Variants in ACSL5 observed in about 807,000 individuals in gnomAD.
ACSL5 encodes acyl-CoA synthetase long chain family member 5, also known as long-chain-fatty-acid--CoA ligase 5.
In ACSL5, 50 loss-of-function variants were observed where a neutral mutation model predicts 84.9. That is an observed-to-expected ratio of 0.59 (90% confidence interval 0.47 to 0.75). The LOEUF (loss-of-function observed/expected upper bound fraction) is 0.75, where lower values mean the gene tolerates loss of function less well. Among genes scored for constraint, ACSL5 ranks in the 30% least tolerant of loss-of-function variants. The pLI is 0.00. For missense variants in ACSL5, 775 were observed against 830.4 expected, an observed-to-expected ratio of 0.93 and a Z score of 0.82; for synonymous variants, 280 against 300.7, an observed-to-expected ratio of 0.93 and a Z score of 0.71.
chr10:112,397,424 C>T (rs548731540), intron 2 of ACSL5, among the ~76,000 whole-genome samples: 3 of 152,192 alleles, frequency 2.0e-5, no homozygotes, highest in African/African-American at 7.2e-5. Context: ...CCTGCCTTGG[C>T]CTCTCAAAGT....
intron 17 of ACSL5, among the ~76,000 whole-genome samples, chr10:112,423,754 T>C (rs2133674843): frequency 6.6e-6 from 1 of 152,228 alleles, no homozygotes; most frequent in South Asian, 2.1e-4. Context: ...AAAAATTAGG[T>C]GACTTCTCTA....
intron 1 of ACSL5, chr10:112,376,252 T>C (rs1849235531): frequency 6.2e-7 from 1 of 1,604,222 alleles, no homozygotes; most frequent in Non-Finnish European, 8.5e-7. Flanking sequence ...ATGGCCTGAC[T>C]CGGGACAGCT....
chr10:112,423,471 G>A (rs770813365), intron 17 of ACSL5, among the ~76,000 whole-genome samples: 2 of 151,264 alleles, frequency 1.3e-5, no homozygotes, highest in Non-Finnish European at 2.9e-5. Flanking sequence ...TTCTGGGATT[G>A]CTGGTATAAG....
At chr10:112,413,793 G>A (rs949281012) in intron 12 of ACSL5, among the ~76,000 whole-genome samples, 3 of 152,114 alleles carry the variant, frequency 2.0e-5, no homozygotes, top group African/African-American at 7.2e-5. Context: ...CCTTGGATAA[G>A]ATGACTTGGA....
chr10:112,418,017 A>G, intron 14 of ACSL5, 76 bp downstream of exon 14: 6 of 1,196,734 alleles, frequency 5.0e-6, no homozygotes, highest in Non-Finnish European at 7.0e-6. Context: ...ATAAAAATGA[A>G]AACAACTAAA....
chr10:112,391,885 G>A (rs375490048), intron 1 of ACSL5, among the ~76,000 whole-genome samples: 4 of 152,076 alleles, frequency 2.6e-5, no homozygotes, highest in African/African-American at 4.8e-5. Context: ...CCCTTGAGAC[G>A]CCATAGATTC....
At chr10:112,419,690 A>G (rs921661113) in intron 14 of ACSL5, 1 of 152,210 alleles carries the variant, frequency 6.6e-6, no homozygotes, top group Non-Finnish European at 1.5e-5. Context: ...AACTTTTGTC[A>G]TGTTGGAAAC....
chr10:112,420,675 A>G (rs917703914), intron 14 of ACSL5, among the ~76,000 whole-genome samples: 3 of 151,948 alleles, frequency 2.0e-5, no homozygotes, highest in Non-Finnish European at 4.4e-5. Context: ...AATAACTTAC[A>G]TGTTCCCACC....
At chr10:112,417,796 T>G (rs373095472) in intron 13 of ACSL5, 50 bp from the exon 14 acceptor site, 1 of 1,512,950 alleles carries the variant, frequency 6.6e-7, no homozygotes, top group Non-Finnish European at 9.2e-7. Flanking sequence ...GTGGAGGAAA[T>G]TGAAGCCAAG....
At chr10:112,387,113 G>A (rs1478831259) in intron 1 of ACSL5, among the ~76,000 whole-genome samples, 4 of 152,166 alleles carry the variant, frequency 2.6e-5, no homozygotes, top group Admixed American at 2.6e-4. Flanking sequence ...GGGTAGCTGA[G>A]AATAGCTTCC....
chr10:112,421,861 G>C, intron 15 of ACSL5, 86 bp from the exon 16 acceptor site: 1 of 1,444,334 alleles, frequency 6.9e-7, no homozygotes, highest in Non-Finnish European at 9.7e-7. Flanking sequence ...TCCTCTTCTA[G>C]AGTCAATTCA....
At chr10:112,411,835 T>C in intron 10 of ACSL5, 67 bp from the exon 11 acceptor site, 1 of 1,450,888 alleles carries the variant, frequency 6.9e-7, no homozygotes, top group Admixed American at 1.7e-5. Context: ...AGTTTTAAAA[T>C]CTCCATTGGA....
At chr10:112,408,339 C>T (rs1275992714) in intron 5 of ACSL5, 83 bp from the exon 6 acceptor site, 7 of 864,780 alleles carry the variant, frequency 8.1e-6, no homozygotes, top group Non-Finnish European at 1.3e-5. Context: ...GACAAAAAAC[C>T]AGACAGCATT....
Position 112,427,189 on chromosome 10 carries a change from G to T in ACSL5, c.1912-29G>T, listed in dbSNP as rs1001530921. The T allele has an allele frequency of 7.5e-6, 12 of 1,597,038 alleles. No homozygotes were observed. The African/African-American group carries it at 1.6e-4, about 22-fold the overall frequency. On this transcript the variant is annotated intron_variant, in intron 20 of 20. Coordinates refer to ENST00000354655, the MANE Select transcript of ACSL5 (RefSeq NM_203379.2). Reference sequence around the variant, plus strand: ...GCAGAGAAGTCCAAATCACTAATGAGCATGGATGTGTGTGTGTTCATCTTC... The same window carrying T: ...GCAGAGAAGTCCAAATCACTAATGATCATGGATGTGTGTGTGTTCATCTTC...
intron 1 of ACSL5, among the ~76,000 whole-genome samples, chr10:112,378,384 T>A (rs1849284249): frequency 6.6e-6 from 1 of 151,830 alleles, no homozygotes; most frequent in African/African-American, 2.4e-5. Flanking sequence ...GTAGCTGGGA[T>A]TACAGGCATG....
At chr10:112,380,181 C>T (rs540068709) in intron 1 of ACSL5, among the ~76,000 whole-genome samples, 2 of 152,308 alleles carry the variant, frequency 1.3e-5, no homozygotes, top group East Asian at 1.9e-4. Context: ...TTGACTCTAT[C>T]GACCTGAGCT....
chr10:112,378,703 G>A (rs1363884540), intron 1 of ACSL5, among the ~76,000 whole-genome samples: 2 of 152,158 alleles, frequency 1.3e-5, no homozygotes, highest in Admixed American at 1.3e-4. Flanking sequence ...CGTAACCCCA[G>A]CAGCCATGAG....
rs1395689106 is a variant in ACSL5 at position 112,401,828 on chromosome 10, CT to C, written c.266-2680del. Among the ~76,000 whole-genome samples, 392 of 108,812 alleles carry C rather than the reference CT, an allele frequency of 3.6e-3. 1 individual carries two copies. Among genetic ancestry groups the C allele is most frequent in the Middle Eastern group, 0.024 (5 of 212 alleles). The allele number at this position is 108,812 out of a possible 152,430, so 71.4% of individuals were successfully genotyped here. A position where few individuals can be genotyped will look rare whatever the true frequency, so the allele number is the denominator to read the frequency against. On this transcript the variant is annotated intron_variant, in intron 3 of 20. Coordinates refer to ENST00000354655, the MANE Select transcript of ACSL5 (RefSeq NM_203379.2). ...TCTTTCTTTCTTTCTTTCTTTCTTT[CT>C]TTCTTTCTTTCTTCCTTCCTTCCTT...
At chr10:112,398,737 A>T (rs979082757) in intron 2 of ACSL5, among the ~76,000 whole-genome samples, 164 bp from the exon 3 acceptor site, 1 of 152,186 alleles carries the variant, frequency 6.6e-6, no homozygotes, top group Non-Finnish European at 1.5e-5. Context: ...CTACGATGTA[A>T]ACATACTATG....
Sources: gnomAD v4.1 joint callset for allele counts (sites outside exome capture counted in the v4.1 genomes callset) on GRCh38, gnomAD v4.1.1 for gene constraint, MANE v1.5 for transcripts, NCBI Gene and HGNC (gene_info 2026-07-23, HGNC 2026-07-21) for gene names.